LRIG1: variants seen among roughly 807,000 people sequenced by gnomAD.
LRIG1 encodes leucine-rich repeats and immunoglobulin-like domains protein 1.
In LRIG1, 48 loss-of-function variants were observed where a neutral mutation model predicts 99.2. The ratio of observed to expected loss-of-function variants is 0.48; its 90% CI spans 0.38 to 0.62. The LOEUF is 0.62. Ranked by LOEUF, LRIG1 falls within the 20% of genes least tolerant of loss-of-function variation. The probability of loss-of-function intolerance (pLI) is 0.00; values close to 1 mark genes in which losing one functional copy is unlikely to be tolerated. For synonymous variants in LRIG1, 772 were observed against 596.1 expected, an observed-to-expected ratio of 1.29 and a Z score of -4.30; for missense variants, 1,646 against 1,434.4, an observed-to-expected ratio of 1.15 and a Z score of -2.38.
chr3:66,478,864 C>T (rs1047715836), intron 1 of LRIG1, among the ~76,000 whole-genome samples: 1 of 152,146 alleles, frequency 6.6e-6, no homozygotes. Flanking sequence ...TGACCCTCTA[C>T]CCCCAGAGGC....
At chr3:66,472,173 G>A (rs1172151716) in intron 1 of LRIG1, among the ~76,000 whole-genome samples, 2 of 151,806 alleles carry the variant, frequency 1.3e-5, no homozygotes, top group East Asian at 3.9e-4. Context: ...GCGTGGTGGT[G>A]GGCGCCTGTA....
intron 10 of LRIG1, 32 bp from the exon 11 acceptor site, chr3:66,398,215 A>G: frequency 6.4e-7 from 1 of 1,570,648 alleles, no homozygotes; most frequent in Non-Finnish European, 8.8e-7. Flanking sequence ...TTATGCAAAG[A>G]AACCCTAGGT....
chr3:66,398,897 A>C lies in LRIG1; in HGVS notation c.1232+73T>G. 2.4e-6 allele frequency: 3 copies of C among 1,251,534 alleles called. No individual in the cohort carries two copies. The South Asian group carries it at 3.7e-5, about 15-fold the overall frequency. The allele number at this position is 1,251,534 out of a possible 1,614,324, so 77.5% of individuals were successfully genotyped here. A position where few individuals can be genotyped will look rare whatever the true frequency, so the allele number is the denominator to read the frequency against. On this transcript the variant is annotated intron_variant, in intron 10 of 18. Coordinates refer to ENST00000273261, the MANE Select transcript of LRIG1 (RefSeq NM_015541.3). Reference sequence around the variant, plus strand: ...TTCTCAGTTTACAAAGATGCGATTAAATTGCTAGCAGAACTCCCCGGCAGC... The same window carrying C: ...TTCTCAGTTTACAAAGATGCGATTACATTGCTAGCAGAACTCCCCGGCAGC...
chr3:66,434,811 G>C (rs1703297406), intron 3 of LRIG1, among the ~76,000 whole-genome samples: 2 of 150,306 alleles, frequency 1.3e-5, no homozygotes. Flanking sequence ...TGGAGAAACG[G>C]AATTGCCTAT....
rs1010410606 is a variant in LRIG1 at position 66,496,109 on chromosome 3, G to A, written c.218+4081C>T. Reference sequence around the variant, plus strand: ...TCTTCATCTTTCTGAAGATGGTTCCGAGAATTACTGCTGATAATATGTTCA... The same window carrying A: ...TCTTCATCTTTCTGAAGATGGTTCCAAGAATTACTGCTGATAATATGTTCA... On this transcript the variant is annotated intron_variant, in intron 1 of 18. Transcript: ENST00000273261. Among the ~76,000 whole-genome samples, 12 of 152,164 alleles carry A rather than the reference G, an allele frequency of 7.9e-5. No individual in the cohort carries two copies. In the East Asian group the frequency reaches 9.6e-4, roughly 12 times the overall value.
chr3:66,452,875 C>G (rs1703951829), intron 2 of LRIG1, among the ~76,000 whole-genome samples: 1 of 152,196 alleles, frequency 6.6e-6, no homozygotes, highest in Admixed American at 6.5e-5. Flanking sequence ...AGCTTCATGG[C>G]TGAAGCATCT....
At chr3:66,402,833 A>T (rs774134900) in intron 9 of LRIG1, among the ~76,000 whole-genome samples, 7 of 152,184 alleles carry the variant, frequency 4.6e-5, no homozygotes, top group Non-Finnish European at 7.4e-5. Context: ...GTCTGTGGTC[A>T]CTTCTCTCAG....
chr3:66,452,652 T>G (rs1575703123), intron 2 of LRIG1, among the ~76,000 whole-genome samples: 1 of 152,132 alleles, frequency 6.6e-6, no homozygotes, highest in Middle Eastern at 3.4e-3. Flanking sequence ...ACAAAGCAAC[T>G]GAAATCACAG....
intron 1 of LRIG1, among the ~76,000 whole-genome samples, chr3:66,492,012 CAAGAAA>C (rs1701112406): frequency 6.6e-6 from 1 of 152,186 alleles, no homozygotes; most frequent in Non-Finnish European, 1.5e-5. Context: ...GATCATCTCT[CAAGAAA>C]AAGAAGCTGT....
chr3:66,407,804 C>T (rs570844399), intron 7 of LRIG1, among the ~76,000 whole-genome samples: 1 of 152,336 alleles, frequency 6.6e-6, no homozygotes, highest in South Asian at 2.1e-4. Flanking sequence ...CTCTCAAGCT[C>T]CAGCGCCTTC....
Position 66,500,279 on chromosome 3 carries a change from G to A in LRIG1, c.129C>T (p.Ala43=), listed in dbSNP as rs1296662149. The A allele has an allele frequency of 6.8e-7, 1 of 1,480,844 alleles. No individual in the cohort carries two copies. The highest frequency in any genetic ancestry group is 8.9e-7 in the Non-Finnish European group (1 of 1,122,152). 91.7% of individuals were successfully genotyped at this position (1,480,844 alleles called of 1,614,324 possible). The change falls in exon 1 of 19, where the codon GCC becomes GCT. Residue 43 remains alanine (A), a synonymous_variant. Coordinates refer to ENST00000273261, the MANE Select transcript of LRIG1 (RefSeq NM_015541.3). ...AAAGPRAPCA[A]ACTCAGDSLD... ...GCGAGTCCCCAGCGCAAGTGCAGGC[G>A]GCCGCGCAGGGCGCCCGCGGGCCGG...
intron 3 of LRIG1, 105 bp downstream of exon 3, chr3:66,451,454 C>T: frequency 1.2e-6 from 1 of 845,880 alleles, no homozygotes; most frequent in East Asian, 2.6e-5. Flanking sequence ...CTTTCTTCAC[C>T]AGCGAGCACA....
At chr3:66,415,186 TC>T in intron 4 of LRIG1, 123 bp from the exon 5 acceptor site, 1 of 933,452 alleles carries the variant, frequency 1.1e-6, no homozygotes, top group Non-Finnish European at 1.6e-6. Flanking sequence ...GGGACAGGTT[TC>T]CAGTGAGATG....
At chr3:66,485,728 C>G (rs1700956799) in intron 1 of LRIG1, among the ~76,000 whole-genome samples, 1 of 152,144 alleles carries the variant, frequency 6.6e-6, no homozygotes, top group Non-Finnish European at 1.5e-5. Context: ...AAACAATAAA[C>G]AACAGATGGC....
At chr3:66,435,604 G>C (rs574237464) in intron 3 of LRIG1, among the ~76,000 whole-genome samples, 2 of 152,066 alleles carry the variant, frequency 1.3e-5, no homozygotes, top group Admixed American at 6.5e-5. Context: ...GACAACCAAG[G>C]GTGTGAGGGC....
intron 1 of LRIG1, among the ~76,000 whole-genome samples, chr3:66,466,444 T>C (rs1023005794): frequency 1.3e-5 from 2 of 152,260 alleles, no homozygotes; most frequent in Non-Finnish European, 2.9e-5. Context: ...GTTCCTCCTT[T>C]TGGCTATTGT....
intron 1 of LRIG1, among the ~76,000 whole-genome samples, chr3:66,466,943 C>G (rs1027563589): frequency 6.6e-6 from 1 of 152,216 alleles, no homozygotes; most frequent in African/African-American, 2.4e-5. Flanking sequence ...ATTGTCATAA[C>G]ACAAATTTTC....
At chr3:66,421,601 C>T (rs754892359) in intron 3 of LRIG1, among the ~76,000 whole-genome samples, 6 of 152,192 alleles carry the variant, frequency 3.9e-5, no homozygotes, top group Admixed American at 1.3e-4. Context: ...CTTTCACAGG[C>T]TGGCGTTGAG....
chr3:66,498,832 G>T (rs1701286314), intron 1 of LRIG1, among the ~76,000 whole-genome samples: 1 of 152,186 alleles, frequency 6.6e-6, no homozygotes, highest in Non-Finnish European at 1.5e-5. Flanking sequence ...CCAAGTTAAA[G>T]ATTCGTGCCC....
Sources: allele counts gnomAD v4.1 joint callset (sites outside exome capture counted in the v4.1 genomes callset), GRCh38; gene constraint gnomAD v4.1.1; transcripts MANE v1.5; gene names NCBI Gene and HGNC (gene_info 2026-07-23, HGNC 2026-07-21).